The following MET variants were observed in gnomAD, a reference collection of about 807,000 sequenced individuals.
The protein encoded by MET is hepatocyte growth factor receptor.
A neutral mutation model predicts 133.1 loss-of-function variants in MET; 48 were observed. The ratio of observed to expected loss-of-function variants is 0.36; its 90% confidence interval spans 0.29 to 0.46. The LOEUF is 0.46. Ranked by LOEUF, MET falls within the 20% of genes least tolerant of loss-of-function variation. The pLI is 1.00. For missense variants in MET, 1,442 were observed against 1,695.9 expected (o/e 0.85, Z 2.63); for synonymous variants, 628 against 616.5 (o/e 1.02, Z -0.28).
chr7:116,718,298 G>A (rs1273084503), intron 2 of MET, among the ~76,000 whole-genome samples: 1 of 151,920 alleles, frequency 6.6e-6, no homozygotes, highest in African/African-American at 2.4e-5. Flanking sequence ...CTGAAGCAGG[G>A]AATTGCTTGA....
At chr7:116,784,413 A>G (rs565945762) in intron 19 of MET, among the ~76,000 whole-genome samples, 2 of 152,196 alleles carry the variant, frequency 1.3e-5, no homozygotes, top group African/African-American at 4.8e-5. Context: ...TAACTTATAA[A>G]AAGAGATTTA....
chr7:116,689,559 C>CTTTTTTTTT (rs534819031), intron 1 of MET, among the ~76,000 whole-genome samples: 4 of 94,810 alleles, frequency 4.2e-5, no homozygotes, highest in African/African-American at 1.3e-4. Context: ...TGGGCTTACT[C>CTTTTTTTTT]TTTTTTTTTT....
At chr7:116,783,752 G>A (rs1261951023) in intron 19 of MET, among the ~76,000 whole-genome samples, 2 of 152,208 alleles carry the variant, frequency 1.3e-5, no homozygotes, top group African/African-American at 4.8e-5. Flanking sequence ...GGCTCAGAAG[G>A]GAAGAGATGA....
chr7:116,760,782 T>G (rs561442879), intron 10 of MET, among the ~76,000 whole-genome samples: 39 of 152,318 alleles, frequency 2.6e-4, no homozygotes, highest in Non-Finnish European at 4.7e-4. Flanking sequence ...TAGAGAGTAT[T>G]ATTAGATTTT....
intron 5 of MET, 55 bp downstream of exon 5, chr7:116,741,080 T>TC: frequency 6.3e-7 from 1 of 1,598,978 alleles, no homozygotes; most frequent in African/African-American, 1.3e-5. Flanking sequence ...TTTTTTTTTT[T>TC]TTTGGTTTGG....
At chr7:116,747,122 C>T (rs1584930049) in intron 5 of MET, among the ~76,000 whole-genome samples, 1 of 152,200 alleles carries the variant, frequency 6.6e-6, no homozygotes, top group South Asian at 2.1e-4. Flanking sequence ...GCCTGTCTTA[C>T]AAGAGCTCCT....
At chr7:116,701,079 G>T (rs1791559790) in intron 2 of MET, among the ~76,000 whole-genome samples, 1 of 152,068 alleles carries the variant, frequency 6.6e-6, no homozygotes, top group Non-Finnish European at 1.5e-5. Context: ...ATTTTCTTAG[G>T]AGCTGTTAGA....
chr7:116,697,384 T>A (rs916325723), intron 1 of MET, among the ~76,000 whole-genome samples: 4 of 152,160 alleles, frequency 2.6e-5, no homozygotes, highest in Non-Finnish European at 4.4e-5. Context: ...CCAGGATCTC[T>A]CTGTTCTAAG....
rs749484691 is a variant in MET, at chr7:116,757,470, G to T, written c.1896G>T (p.Lys632Asn). 68 of 1,613,592 alleles carry T rather than the reference G, an allele frequency of 4.2e-5. 1 individual carries two copies. In the South Asian group the frequency reaches 7.2e-4, roughly 17 times the overall value. Residue 632 changes from lysine to asparagine, a missense_variant, in exon 7 of 21, where the codon AAG becomes AAT. Coordinates refer to ENST00000397752, the MANE Select transcript of MET (RefSeq NM_000245.4). ...GCACAGTTGGTCCTGCCATGAATAA[G>T]CATTTCAATATGTCCATAATTATTT... ...LKCTVGPAMN[K>N]HFNMSIIISN...
intron 1 of MET, among the ~76,000 whole-genome samples, chr7:116,675,405 G>T (rs977214022): frequency 2.6e-5 from 4 of 152,100 alleles, no homozygotes; most frequent in African/African-American, 9.7e-5. Context: ...CATCCTATTT[G>T]CTATGAAATA....
At chr7:116,753,008 A>T (rs1584935682) in intron 5 of MET, among the ~76,000 whole-genome samples, 1 of 152,202 alleles carries the variant, frequency 6.6e-6, no homozygotes, top group South Asian at 2.1e-4. Context: ...TTTTTCTAGT[A>T]GTTCTCATTT....
chr7:116,768,162 C>T (rs1260846553), intron 11 of MET, among the ~76,000 whole-genome samples: 1 of 152,012 alleles, frequency 6.6e-6, no homozygotes, highest in South Asian at 2.1e-4. Context: ...CTTTATGCAA[C>T]AACCAGGGAG....
chr7:116,703,000 T>C (rs1395206293), intron 2 of MET, among the ~76,000 whole-genome samples: 1 of 152,166 alleles, frequency 6.6e-6, no homozygotes, highest in Admixed American at 6.5e-5. Context: ...ATGAAATATG[T>C]CTATGCAAAC....
Position 116,784,734 on chromosome 7 carries a change from G to A in MET, c.3798+1265G>A, listed in dbSNP as rs148595460. Among the ~76,000 whole-genome samples, 30 of 152,008 alleles carry A rather than the reference G, an allele frequency of 2.0e-4. No individual in the cohort carries two copies. In the East Asian group the frequency reaches 4.8e-3, roughly 25 times the overall value. ...ACACAGAGTCAAACCATATCATTCC[G>A]CCCTAGTTCCTCCCAAATCTCACGT... On this transcript the variant is annotated intron_variant, in intron 19 of 20. Transcript: ENST00000397752.
chr7:116,718,220 C>T (rs1446763129), intron 2 of MET, among the ~76,000 whole-genome samples: 1 of 151,928 alleles, frequency 6.6e-6, no homozygotes, highest in African/African-American at 2.4e-5. Context: ...AACCCAGTCT[C>T]TAATAAAAAT....
At chr7:116,697,314 C>T (rs1340431060) in intron 1 of MET, among the ~76,000 whole-genome samples, 1 of 152,118 alleles carries the variant, frequency 6.6e-6, no homozygotes, top group Non-Finnish European at 1.5e-5. Flanking sequence ...CATATTTGTT[C>T]TGGCTCTTGT....
chr7:116,705,813 A>G (rs1219259039), intron 2 of MET, among the ~76,000 whole-genome samples: 1 of 152,042 alleles, frequency 6.6e-6, no homozygotes, highest in African/African-American at 2.4e-5. Flanking sequence ...CTTTATTTTA[A>G]TTATCCATGC....
chr7:116,757,081 A>T (rs955806532), intron 6 of MET, among the ~76,000 whole-genome samples: 12 of 150,650 alleles, frequency 8.0e-5, no homozygotes, highest in East Asian at 3.9e-4. Context: ...AAAAAAAAAA[A>T]TTTTTTTTTA....
Position 116,700,267 on chromosome 7 carries a change from G to A in MET, c.1183G>A (p.Glu395Lys), listed in dbSNP as rs778469367. Residue 395 changes from glutamate (E) to lysine (K), a missense_variant, in exon 2 of 21, where the codon GAG becomes AAG. Physicochemically the swap from Glu to Lys is moderately conservative, Grantham distance 56 (BLOSUM62 1). Transcript: ENST00000397752. Reference sequence around the variant, plus strand: ...CCAGCATTTTTACGGACCCAATCATGAGCACTGCTTTAATAGGGTAAGTCA... The same window carrying A: ...CCAGCATTTTTACGGACCCAATCATAAGCACTGCTTTAATAGGGTAAGTCA... ...CLQHFYGPNH[E>K]HCFNRTLLRN... is the part of the protein sequence containing the mutation. The A allele has an allele frequency of 3.7e-6, 6 of 1,603,256 alleles. No homozygotes were observed. Among genetic ancestry groups the A allele is most frequent in the Admixed American group, 3.4e-5 (2 of 58,096 alleles).
Sources: gnomAD v4.1 joint callset for allele counts (sites outside exome capture counted in the v4.1 genomes callset) on GRCh38, gnomAD v4.1.1 for gene constraint, MANE v1.5 for transcripts, NCBI Gene and HGNC (gene_info 2026-07-23, HGNC 2026-07-21) for gene names.